The following AOPEP variants were observed in gnomAD, a reference collection of about 807,000 sequenced individuals.
AOPEP encodes aminopeptidase O (putative).
AOPEP carries 77 observed loss-of-function variants against 98.1 expected under a neutral mutation model. The observed-to-expected ratio is 0.78, with a 90% CI of 0.65 to 0.95. The LOEUF is 0.95. Among genes scored for constraint, AOPEP ranks in the 40% least tolerant of loss-of-function variants. The pLI, the probability that AOPEP is intolerant of heterozygous loss-of-function variation, is 0.00. For synonymous variants in AOPEP, 346 were observed against 365.3 expected, an observed-to-expected ratio of 0.95 and a Z score of 0.60; for missense variants, 1,024 against 1,024.7, an observed-to-expected ratio of 1.00 and a Z score of 0.01.
chr9:94,834,900 G>A (rs531413659), intron 5 of AOPEP, among the ~76,000 whole-genome samples: 4 of 152,042 alleles, frequency 2.6e-5, no homozygotes, highest in South Asian at 2.1e-4. Flanking sequence ...GCTATATACC[G>A]AAATATTTTT....
chr9:94,729,791 A>G (rs573926858), intron 1 of AOPEP, among the ~76,000 whole-genome samples: 18 of 152,292 alleles, frequency 1.2e-4, no homozygotes, highest in Middle Eastern at 3.4e-3. Flanking sequence ...GAGGGGCAAA[A>G]TCAGCCCCAA....
At chr9:94,756,219 C>T (rs1326916159) in intron 1 of AOPEP, among the ~76,000 whole-genome samples, 1 of 142,978 alleles carries the variant, frequency 7.0e-6, no homozygotes, top group Admixed American at 7.2e-5. Flanking sequence ...GAGATTGTGC[C>T]ACTGGGTGAC....
At chr9:94,727,187 T>G (rs546266781) in intron 1 of AOPEP, among the ~76,000 whole-genome samples, 4 of 152,374 alleles carry the variant, frequency 2.6e-5, no homozygotes, top group African/African-American at 9.6e-5. Flanking sequence ...CATCCGCCTC[T>G]TCTTCCCCCG....
chr9:94,870,240 T>G (rs573924957), intron 5 of AOPEP, among the ~76,000 whole-genome samples: 2 of 152,258 alleles, frequency 1.3e-5, no homozygotes, highest in South Asian at 4.1e-4. Flanking sequence ...TCTGCCCGCC[T>G]CCGCCTCCCA....
rs552011244 is a variant in AOPEP at position 94,805,215 on chromosome 9, G to A, written c.1364+4213G>A. On this transcript the variant is annotated intron_variant, in intron 5 of 16. Transcript: ENST00000375315. ...ACCGTAGATACCTATACCATCTCCCGACTGGCTAATGAGAACCTGATTGGC... is the reference window on the plus strand; with the variant it reads ...ACCGTAGATACCTATACCATCTCCCAACTGGCTAATGAGAACCTGATTGGC... Among the ~76,000 whole-genome samples the A allele has an allele frequency of 7.3e-5, 11 of 150,690 alleles. No homozygotes were observed. The East Asian group carries it at 1.4e-3, about 19-fold the overall frequency.
At chr9:95,095,802 G>A in the AOPEP span, among the ~76,000 whole-genome samples, 7 of 144,614 alleles carry the variant, frequency 4.8e-5, no homozygotes, top group Admixed American at 4.8e-4. Flanking sequence ...CCCTCCAAAG[G>A]ACTGGAGAGT....
intron 5 of AOPEP, among the ~76,000 whole-genome samples, chr9:94,827,068 G>T (rs887755713): frequency 2.0e-5 from 3 of 152,112 alleles, no homozygotes; most frequent in African/African-American, 7.2e-5. Context: ...ATGGATACAT[G>T]CCCCCTTTTC....
intron 3 of AOPEP, among the ~76,000 whole-genome samples, chr9:94,789,583 A>T (rs16911702): frequency 0.16 from 24,959 of 152,192 alleles, 2,425 homozygotes; most frequent in East Asian, 0.31. Flanking sequence ...GTAGAAAATG[A>T]AAGTTTTTAT....
intron 13 of AOPEP, among the ~76,000 whole-genome samples, chr9:95,026,774 G>A (rs2063873212): frequency 6.6e-6 from 1 of 152,180 alleles, no homozygotes; most frequent in African/African-American, 2.4e-5. Context: ...AGCCTAGATT[G>A]TTTTCCAAAG....
intron 7 of AOPEP, chr9:94,934,680 A>T (rs1308201586): frequency 6.6e-6 from 1 of 152,090 alleles, no homozygotes; most frequent in Non-Finnish European, 1.5e-5. Flanking sequence ...AGCAAATTTT[A>T]TTTTTAATCT....
At chr9:94,776,915 ATTT>A (rs776753790) in intron 3 of AOPEP, among the ~76,000 whole-genome samples, 1 of 128,624 alleles carries the variant, frequency 7.8e-6, no homozygotes. Flanking sequence ...AAATAGCTTC[ATTT>A]TTTTTTTTTT....
chr9:94,735,990 G>A (rs990657554), intron 1 of AOPEP, among the ~76,000 whole-genome samples: 9 of 152,166 alleles, frequency 5.9e-5, no homozygotes, highest in African/African-American at 1.7e-4. Context: ...TGGCATGTCG[G>A]TACTTCAGTA....
intron 13 of AOPEP, chr9:95,021,695 G>T (rs1459888616): frequency 6.6e-6 from 1 of 152,346 alleles, no homozygotes; most frequent in African/African-American, 2.4e-5. Context: ...GTTTGGGCTG[G>T]GGCCTGCTGT....
the AOPEP span, chr9:95,114,234 TAGAGGGA>T: frequency 3.1e-6 from 1 of 321,090 alleles, no homozygotes; most frequent in African/African-American, 2.1e-5. Context: ...CCTAGAGAGG[TAGAGGGA>T]AGACCACAGG....
chr9:95,059,078 T>C (rs948002872), intron 13 of AOPEP, among the ~76,000 whole-genome samples: 4 of 152,228 alleles, frequency 2.6e-5, no homozygotes, highest in African/African-American at 9.7e-5. Context: ...AACAGTAGAT[T>C]TCTTTTTAAT....
the AOPEP span, among the ~76,000 whole-genome samples, chr9:95,131,161 G>A: frequency 3.3e-5 from 5 of 152,070 alleles, no homozygotes. Flanking sequence ...TCATTCCTGG[G>A]CTTAAGAACT....
chr9:94,841,863 G>A lies in AOPEP; in HGVS notation c.1364+40861G>A, dbSNP rs143561223. ...ACCCAGGAGTTTGAGACCAGCCAGG[G>A]CAACAAAGCGAGACCCTGTCTCTAC... On this transcript the variant is annotated intron_variant, in intron 5 of 16. Transcript: ENST00000375315. Among the ~76,000 whole-genome samples, 1,119 of 151,990 alleles carry A rather than the reference G, an allele frequency of 7.4e-3. 15 individuals carry two copies. The highest frequency in any genetic ancestry group is 0.026 in the African/African-American group (1,080 of 41,446).
intron 11 of AOPEP, among the ~76,000 whole-genome samples, chr9:94,993,202 G>A (rs746167299): frequency 3.3e-5 from 5 of 152,126 alleles, no homozygotes; most frequent in Non-Finnish European, 4.4e-5. Context: ...AGTAGTAACT[G>A]CAGGTCAGTT....
intron 5 of AOPEP, among the ~76,000 whole-genome samples, chr9:94,892,259 T>G (rs972244738): frequency 1.3e-5 from 2 of 152,246 alleles, no homozygotes; most frequent in Admixed American, 1.3e-4. Context: ...ATCTACTCCC[T>G]TCCTCCTCTC....
Sources: allele counts gnomAD v4.1 joint callset (sites outside exome capture counted in the v4.1 genomes callset), GRCh38; gene constraint gnomAD v4.1.1; transcripts MANE v1.5; gene names NCBI Gene and HGNC (gene_info 2026-07-23, HGNC 2026-07-21).